Variants in TNRC18 observed in about 807,000 individuals in gnomAD.
The protein encoded by TNRC18 is trinucleotide repeat-containing gene 18 protein.
In TNRC18, 69 loss-of-function variants were observed where a neutral mutation model predicts 226.7. The ratio of observed to expected loss-of-function variants is 0.30; its 90% confidence interval spans 0.25 to 0.37. TNRC18 has a LOEUF of 0.37. Among genes scored for constraint, TNRC18 ranks in the 10% least tolerant of loss-of-function variants. The pLI, the probability that TNRC18 is intolerant of heterozygous loss-of-function variation, is 1.00. For missense variants in TNRC18, 4,754 were observed against 4,256.6 expected, an observed-to-expected ratio of 1.12 and a Z score of -3.25; for synonymous variants, 2,449 against 1,927.6, an observed-to-expected ratio of 1.27 and a Z score of -7.09.
intron 4 of TNRC18, chr7:5,390,240 C>A: frequency 1.8e-6 from 1 of 546,668 alleles, no homozygotes; most frequent in South Asian, 2.8e-5. Flanking sequence ...TGGGGTGTGT[C>A]TGCAGTCCCA....
chr7:5,394,323 G>A lies in TNRC18; in HGVS notation c.343+117C>T, dbSNP rs1291276186. 7 of 979,498 alleles carry A rather than the reference G, an allele frequency of 7.1e-6. No individual in the cohort carries two copies. Among genetic ancestry groups the A allele is most frequent in the Non-Finnish European group, 1.0e-5 (7 of 695,934 alleles). 60.7% of individuals were successfully genotyped at this position (979,498 alleles called of 1,614,324 possible). A position where few individuals can be genotyped will look rare whatever the true frequency, so the allele number is the denominator to read the frequency against. On this transcript the variant is annotated intron_variant, in intron 3 of 29. Coordinates refer to ENST00000430969, the MANE Select transcript of TNRC18 (RefSeq NM_001080495.3). This position sits in a 1 kb window ranked among gnomAD's most constrained non-coding sequence, Gnocchi z 4.5. ...TTGAGAAACAACAGGGAAGCCAGGT[G>A]ACCTGGGACCCACCAGCCCCAGCTC...
intron 26 of TNRC18, 91 bp downstream of exon 26, chr7:5,314,889 AGCAG>A: frequency 4.4e-6 from 6 of 1,352,858 alleles, no homozygotes; most frequent in African/African-American, 1.5e-5. Context: ...TCTTACAGAC[AGCAG>A]GCAGGCACTT....
intron 18 of TNRC18, among the ~76,000 whole-genome samples, chr7:5,342,886 T>C (rs539396742): frequency 2.0e-5 from 3 of 152,160 alleles, no homozygotes; most frequent in African/African-American, 4.8e-5. Flanking sequence ...TTCTAAGAAA[T>C]TGCCACAGCC....
At chr7:5,347,245 T>G (rs1220599505) in intron 17 of TNRC18, among the ~76,000 whole-genome samples, 1 of 150,586 alleles carries the variant, frequency 6.6e-6, no homozygotes, top group African/African-American at 2.4e-5. Flanking sequence ...TGGAGTGCAG[T>G]GGCACGATTT....
chr7:5,307,215 T>TA lies in TNRC18; in HGVS notation c.*890_*891insT, dbSNP rs1786623530. 3.3e-5 allele frequency: 5 copies of TA among 149,754 alleles called. No homozygotes were observed. The highest frequency in any genetic ancestry group is 3.3e-4 in the Admixed American group (5 of 15,028). The allele number at this position is 149,754 out of a possible 1,614,324, so 9.3% of individuals were successfully genotyped here. A position where few individuals can be genotyped will look rare whatever the true frequency, so the allele number is the denominator to read the frequency against. On this transcript the variant is annotated 3_prime_UTR_variant, in exon 30 of 30. Coordinates refer to ENST00000430969, the MANE Select transcript of TNRC18 (RefSeq NM_001080495.3). ...ATTCTGCACGTCAGAATGTTTTTTT[T>TA]TATAATTTCATAGCTATTTTTCACA...
intron 3 of TNRC18, among the ~76,000 whole-genome samples, chr7:5,393,280 C>T (rs1369887812): frequency 6.6e-6 from 1 of 152,250 alleles, no homozygotes; most frequent in Non-Finnish European, 1.5e-5. Flanking sequence ...CTAGAAGGCC[C>T]ACTCTGTGCA....
intron 2 of TNRC18, among the ~76,000 whole-genome samples, chr7:5,414,755 T>C (rs2128221193): frequency 6.6e-6 from 1 of 152,308 alleles, no homozygotes; most frequent in South Asian, 2.1e-4. Flanking sequence ...GACATTCTCT[T>C]ACAGAACCAC....
In TNRC18 at chr7:5,376,831, T is replaced by C. The variant is rs376146376; in HGVS notation, c.2608+16A>G. 7.0e-5 allele frequency: 113 copies of C among 1,607,196 alleles called. No individual in the cohort carries two copies. In the South Asian group the frequency reaches 9.0e-4, roughly 13 times the overall value. ...GCCAGTCTGGCCCATGGTGGCCACA[T>C]AGAAGGTCCACTTACCAAAGTGAGG... On this transcript the variant is annotated intron_variant, in intron 8 of 29. Transcript: ENST00000430969.
At chr7:5,365,899 A>G (rs964415337) in intron 11 of TNRC18, among the ~76,000 whole-genome samples, 23 of 152,056 alleles carry the variant, frequency 1.5e-4, no homozygotes, top group Non-Finnish European at 7.4e-5. Context: ...GAGAAACCCT[A>G]TCTCTACTAA....
rs1195830784 is a variant in TNRC18 at position 5,329,302 on chromosome 7, T to TA, written c.6147+3319dup. ...TGGGCAGTAGGACAGATTCTGTCTTTAAAAAAAAAAAAAAGATAGAAAATA... is the reference window on the plus strand; with the variant it reads ...TGGGCAGTAGGACAGATTCTGTCTTTAAAAAAAAAAAAAAAGATAGAAAATA... On this transcript the variant is annotated intron_variant, in intron 19 of 29. Transcript: ENST00000430969. 5.9e-3 allele frequency among the ~76,000 whole-genome samples: 826 copies of TA among 139,472 alleles called. 10 individuals are homozygous for TA. The highest frequency in any genetic ancestry group is 0.028 in the Admixed American group (383 of 13,924). 91.5% of individuals were successfully genotyped at this position (139,472 alleles called of 152,430 possible). A position where few individuals can be genotyped will look rare whatever the true frequency, so the allele number is the denominator to read the frequency against.
chr7:5,370,686 C>A lies in TNRC18; in HGVS notation c.3908G>T (p.Gly1303Val). The A allele has an allele frequency of 6.2e-7, 1 of 1,611,978 alleles. No homozygotes were observed. The highest frequency in any genetic ancestry group is 8.5e-7 in the Non-Finnish European group (1 of 1,179,504). ...MSDCDVPAGE[G>V]QCPSLEPQEA... The stretch of plus-strand genomic sequence containing the variant: ...TTGGGGCTCCAGGCTCGGGCACTGT[C>A]CCTCCCCGGCGGGCACGTCACAGTC... Residue 1303 changes from glycine (G) to valine (V), a missense_variant, in exon 11 of 30, where the codon GGA becomes GTA. Coordinates refer to ENST00000430969, the MANE Select transcript of TNRC18 (RefSeq NM_001080495.3).
intron 9 of TNRC18, 22 bp from the exon 10 acceptor site, chr7:5,374,506 G>A: frequency 6.5e-7 from 1 of 1,535,684 alleles, no homozygotes; most frequent in Non-Finnish European, 8.8e-7. Flanking sequence ...CCGGCAGGCA[G>A]GGTCAGCACG....
chr7:5,386,136 AAGTT>A (rs1265515311), intron 5 of TNRC18, among the ~76,000 whole-genome samples: 1 of 151,200 alleles, frequency 6.6e-6, no homozygotes, highest in Non-Finnish European at 1.5e-5. Context: ...AAAGATACAA[AAGTT>A]AGCCAGGCGT....
In TNRC18 at chr7:5,370,565, G is replaced by A. The variant is rs200236599; in HGVS notation, c.4029C>T (p.Asn1343=). 148 of 1,611,824 alleles carry A rather than the reference G, an allele frequency of 9.2e-5. No individual in the cohort carries two copies. Among genetic ancestry groups the A allele is most frequent in the East Asian group, 3.8e-4 (17 of 44,794 alleles). The change falls in exon 11 of 30, where the codon AAC becomes AAT. Residue 1343 remains asparagine, a synonymous_variant. Coordinates refer to ENST00000430969, the MANE Select transcript of TNRC18 (RefSeq NM_001080495.3). ...PSLEDPLAGM[N]ALAAAAELPQ... ...GCAGCTCCGCAGCTGCCGCCAGGGC[G>A]TTCATGCCAGCCAGTGGGTCCTCCA...
intron 18 of TNRC18, among the ~76,000 whole-genome samples, chr7:5,341,637 G>A (rs186741775): frequency 2.7e-5 from 4 of 149,388 alleles, no homozygotes; most frequent in East Asian, 2.0e-4. Context: ...GGTGGTGCAC[G>A]CCTGTAATCC....
intron 19 of TNRC18, among the ~76,000 whole-genome samples, chr7:5,328,612 G>T (rs1056909591): frequency 3.3e-5 from 5 of 151,682 alleles, no homozygotes; most frequent in African/African-American, 1.2e-4. Flanking sequence ...GGGTTCGAGC[G>T]ATTCTTCTGC....
intron 2 of TNRC18, chr7:5,419,824 G>C (rs756481103): frequency 6.6e-6 from 1 of 152,224 alleles, no homozygotes; most frequent in Non-Finnish European, 1.5e-5. Flanking sequence ...AAAAGTTCCA[G>C]GAGAAAAATC....
At chr7:5,405,500 C>T (rs1404185563) in intron 2 of TNRC18, among the ~76,000 whole-genome samples, 1 of 151,956 alleles carries the variant, frequency 6.6e-6, no homozygotes, top group South Asian at 2.1e-4. Context: ...ACCCGGGAGG[C>T]GGAGGTTGCA....
chr7:5,350,594 G>A (rs888915957), intron 17 of TNRC18, among the ~76,000 whole-genome samples: 6 of 152,164 alleles, frequency 3.9e-5, no homozygotes, highest in Non-Finnish European at 7.3e-5. Context: ...GTGGGAGTTC[G>A]CCCTGAAGCA....
Sources: allele counts gnomAD v4.1 joint callset (sites outside exome capture counted in the v4.1 genomes callset), GRCh38; gene constraint gnomAD v4.1.1; non-coding constraint Gnocchi (gnomAD v3.1); transcripts MANE v1.5; gene names NCBI Gene and HGNC (gene_info 2026-07-23, HGNC 2026-07-21).